The following ANO6 variants were observed in gnomAD, a reference collection of about 807,000 sequenced individuals.
ANO6 encodes anoctamin-6.
Under a neutral mutation model 117.5 loss-of-function variants are expected in ANO6, and 106 were observed. The ratio of observed to expected loss-of-function variants is 0.90; its 90% CI spans 0.77 to 1.06. The LOEUF (loss-of-function observed/expected upper bound fraction) is 1.06, where lower values mean the gene tolerates loss of function less well. ANO6 is among the 50% of genes least tolerant of loss of function. The pLI, the probability that ANO6 is intolerant of heterozygous loss-of-function variation, is 0.00. For synonymous variants in ANO6, 367 were observed against 385.1 expected (o/e 0.95, Z 0.55); for missense variants, 955 against 1,121.1 (o/e 0.85, Z 2.12).
chr12:45,243,231 A>G (rs1280662298), intron 1 of ANO6, among the ~76,000 whole-genome samples: 1 of 152,180 alleles, frequency 6.6e-6, no homozygotes, highest in Non-Finnish European at 1.5e-5. Flanking sequence ...AGGCAGCAGG[A>G]TCGTTTGAGC....
At chr12:45,241,362 T>C (rs1271410235) in intron 1 of ANO6, among the ~76,000 whole-genome samples, 3 of 152,254 alleles carry the variant, frequency 2.0e-5, no homozygotes, top group Non-Finnish European at 4.4e-5. Flanking sequence ...AGCTTCTGCA[T>C]GCGTCACAAA....
At chr12:45,366,098 C>T (rs1039940784) in intron 8 of ANO6, among the ~76,000 whole-genome samples, 8 of 146,988 alleles carry the variant, frequency 5.4e-5, no homozygotes, top group Admixed American at 1.4e-4. Flanking sequence ...AAGGGAGCAG[C>T]GTGCAATGTT....
chr12:45,420,047 A>G (rs1047024117), intron 17 of ANO6, among the ~76,000 whole-genome samples: 2 of 151,736 alleles, frequency 1.3e-5, no homozygotes, highest in East Asian at 3.9e-4. Context: ...GACAACCCCA[A>G]TATAATTCTA....
intron 1 of ANO6, among the ~76,000 whole-genome samples, chr12:45,239,988 A>G (rs565683978): frequency 5.4e-4 from 82 of 152,298 alleles, no homozygotes; most frequent in Non-Finnish European, 1.0e-3. Flanking sequence ...GCTGAGAAGA[A>G]TGTATATTCT....
intron 17 of ANO6, among the ~76,000 whole-genome samples, chr12:45,417,782 TC>T (rs1282871831): frequency 6.6e-6 from 1 of 152,146 alleles, no homozygotes; most frequent in African/African-American, 2.4e-5. Flanking sequence ...AGCCACATCT[TC>T]CCTGAGTCCC....
At chr12:45,370,056 C>G (rs60688397) in intron 9 of ANO6, among the ~76,000 whole-genome samples, 7,106 of 152,288 alleles carry the variant, frequency 0.047, 216 homozygotes, top group East Asian at 0.14. Flanking sequence ...TCTTTCTTTT[C>G]TTTCCTGCTC....
At chr12:45,429,034 C>G in intron 19 of ANO6, 71 bp from the exon 20 acceptor site, 1 of 1,561,258 alleles carries the variant, frequency 6.4e-7, no homozygotes, top group South Asian at 1.2e-5. Context: ...TAATGACAAG[C>G]AAGAATGAAA....
chr12:45,255,477 G>A (rs1268341915), intron 1 of ANO6, among the ~76,000 whole-genome samples: 2 of 152,112 alleles, frequency 1.3e-5, no homozygotes. Context: ...CCAGCCTAGC[G>A]ACAGGGACTC....
chr12:45,232,388 CA>C (rs757748523), intron 1 of ANO6, among the ~76,000 whole-genome samples: 29 of 152,162 alleles, frequency 1.9e-4, no homozygotes, highest in Admixed American at 7.2e-4. Context: ...AACAGAATAA[CA>C]GCAGATTATA....
intron 1 of ANO6, among the ~76,000 whole-genome samples, chr12:45,277,170 T>A (rs1938580713): frequency 6.6e-6 from 1 of 152,210 alleles, no homozygotes; most frequent in African/African-American, 2.4e-5. Context: ...TTCCCTCAAT[T>A]GTAATTGTGT....
intron 5 of ANO6, 90 bp from the exon 6 acceptor site, chr12:45,348,428 G>C: frequency 1.3e-6 from 2 of 1,555,794 alleles, no homozygotes; most frequent in Non-Finnish European, 1.8e-6. Context: ...AAAGAAATAT[G>C]CCAGCAGATT....
chr12:45,259,431 G>A (rs746631329), intron 1 of ANO6, among the ~76,000 whole-genome samples: 2 of 152,208 alleles, frequency 1.3e-5, no homozygotes, highest in African/African-American at 2.4e-5. Context: ...TAAGAACCAC[G>A]ATTTTAACAG....
intron 8 of ANO6, among the ~76,000 whole-genome samples, chr12:45,360,164 T>C (rs368870492): frequency 2.6e-5 from 4 of 152,240 alleles, no homozygotes; most frequent in Admixed American, 6.5e-5. Flanking sequence ...AAGTCTCTTA[T>C]TGGATATTGT....
At chr12:45,293,729 GTTTTTTTTTTTTT>G (rs138396024) in intron 1 of ANO6, among the ~76,000 whole-genome samples, 2 of 48,418 alleles carry the variant, frequency 4.1e-5, no homozygotes, top group African/African-American at 8.2e-5. Flanking sequence ...CCTGGCTAAT[GTTTTTTTTTTTTT>G]TTTTTTTTTT....
intron 1 of ANO6, among the ~76,000 whole-genome samples, chr12:45,285,475 G>A (rs997239303): frequency 6.6e-6 from 1 of 152,240 alleles, no homozygotes; most frequent in African/African-American, 2.4e-5. Flanking sequence ...CGGGGGCGGT[G>A]GCTCACGCCT....
intron 1 of ANO6, among the ~76,000 whole-genome samples, chr12:45,257,818 G>A (rs894514903): frequency 1.3e-5 from 2 of 152,106 alleles, no homozygotes; most frequent in Non-Finnish European, 2.9e-5. Flanking sequence ...AAACTTACAA[G>A]TCTTCAATGA....
intron 1 of ANO6, among the ~76,000 whole-genome samples, chr12:45,286,200 G>A (rs192798035): frequency 7.9e-5 from 12 of 152,264 alleles, no homozygotes; most frequent in African/African-American, 1.9e-4. Context: ...AGATCTCCTC[G>A]TGTTGCCTAG....
At chr12:45,290,754 T>C (rs974160625) in intron 1 of ANO6, among the ~76,000 whole-genome samples, 3 of 152,200 alleles carry the variant, frequency 2.0e-5, no homozygotes, top group African/African-American at 7.2e-5. Context: ...TAAAAGTCTG[T>C]TTATTAAATG....
Position 45,369,982 on chromosome 12 carries a change from AT to A in ANO6, c.1104+2196del, listed in dbSNP as rs1030717269. Among the ~76,000 whole-genome samples, 59 of 152,234 alleles carry A rather than the reference AT, an allele frequency of 3.9e-4. 1 individual carries two copies. The highest frequency in any genetic ancestry group is 2.1e-4 in the South Asian group (1 of 4,818). On this transcript the variant is annotated intron_variant, in intron 9 of 19. Coordinates refer to ENST00000320560, the MANE Select transcript of ANO6 (RefSeq NM_001025356.3). ...CAGGAAGAAAGCATAACAAATTCTC[AT>A]TTTTTTCCCCCAAAATTCTAGTTGG...
Sources: allele counts gnomAD v4.1 joint callset (sites outside exome capture counted in the v4.1 genomes callset), GRCh38; gene constraint gnomAD v4.1.1; transcripts MANE v1.5; gene names NCBI Gene and HGNC (gene_info 2026-07-23, HGNC 2026-07-21).